Variants in EMC2 observed in about 807,000 individuals in gnomAD.
EMC2 encodes ER membrane protein complex subunit 2, also known as TPR repeat protein 35.
In EMC2, 37 loss-of-function variants were observed where a neutral mutation model predicts 51.6. That is an observed-to-expected ratio of 0.72 (90% CI 0.55 to 0.94). EMC2 has a LOEUF of 0.94. Ranked by LOEUF, EMC2 falls within the 40% of genes least tolerant of loss-of-function variation. EMC2 has a pLI of 0.00. For missense variants in EMC2, 359 were observed against 350.9 expected, an observed-to-expected ratio of 1.02 and a Z score of -0.18; for synonymous variants, 131 against 112.4, an observed-to-expected ratio of 1.17 and a Z score of -1.04.
rs1196644761 is a variant in EMC2 at position 108,487,843 on chromosome 8, C to T, written c.*1245C>T. Among the ~76,000 whole-genome samples the T allele has an allele frequency of 4.6e-5, 7 of 151,968 alleles. No individual in the cohort carries two copies. Among genetic ancestry groups the T allele is most frequent in the East Asian group, 1.9e-4 (1 of 5,174 alleles). ...TAATCTTTCATATTACAGTCATTTTCGTTTTATTCTGCCACGAGTAATAGG... is the reference window on the plus strand; with the variant it reads ...TAATCTTTCATATTACAGTCATTTTTGTTTTATTCTGCCACGAGTAATAGG... On this transcript the variant is annotated 3_prime_UTR_variant, in exon 11 of 11. Coordinates refer to ENST00000220853, the MANE Select transcript of EMC2 (RefSeq NM_014673.5).
chr8:108,469,861 C>T lies in EMC2; in HGVS notation c.399C>T (p.Ala133=). The change falls in exon 6 of 11, where the codon GCC becomes GCT. Residue 133 remains alanine (A), a synonymous_variant. Coordinates refer to ENST00000220853, the MANE Select transcript of EMC2 (RefSeq NM_014673.5). ...ARKRKIAIRK[A]QGKNVEAIRE... ...AGCGTAAGATTGCCATTCGAAAAGC[C>T]CAGGGGAAAAATGTGGAGGCCATTC... 6.2e-7 allele frequency: 1 copy of T among 1,613,428 alleles called. No individual in the cohort carries two copies.
chr8:108,478,964 C>T, intron 9 of EMC2, 42 bp from the exon 10 acceptor site: 1 of 1,218,718 alleles, frequency 8.2e-7, no homozygotes, highest in Non-Finnish European at 1.1e-6. Flanking sequence ...TCTTGACTAG[C>T]AAAAAAGGAA....
In EMC2 at chr8:108,479,941, T is replaced by C. The variant is rs79807431; in HGVS notation, c.807+831T>C. On this transcript the variant is annotated intron_variant, in intron 10 of 10. Coordinates refer to ENST00000220853, the MANE Select transcript of EMC2 (RefSeq NM_014673.5). ...AATAAAATGTTGCCGTCAGGAAATA[T>C]GATGCCGTCTTGACTTACTTTTTAT... 3.8e-3 allele frequency among the ~76,000 whole-genome samples: 574 copies of C among 152,236 alleles called. 4 individuals are homozygous for C. The highest frequency in any genetic ancestry group is 0.013 in the African/African-American group (544 of 41,558).
chr8:108,459,366 A>G (rs1033264004), intron 5 of EMC2, among the ~76,000 whole-genome samples: 11 of 152,168 alleles, frequency 7.2e-5, no homozygotes, highest in Non-Finnish European at 1.6e-4. Flanking sequence ...TGCTACTGAT[A>G]AAGACATACC....
rs554030193 is a variant in EMC2, at chr8:108,445,883, C to T, written c.40+2185C>T. On this transcript the variant is annotated intron_variant, in intron 1 of 10. Transcript: ENST00000220853. ...TCAGAAAAGATTATAAGCCATTTTTCTAGCGTTGAAATAATTTCTTTAGTA... is the reference window on the plus strand; with the variant it reads ...TCAGAAAAGATTATAAGCCATTTTTTTAGCGTTGAAATAATTTCTTTAGTA... 2.6e-5 allele frequency among the ~76,000 whole-genome samples: 4 copies of T among 152,194 alleles called. No individual in the cohort carries two copies. The South Asian group carries it at 6.2e-4, about 24-fold the overall frequency.
chr8:108,483,731 C>G (rs1395887961), intron 10 of EMC2, among the ~76,000 whole-genome samples: 1 of 151,892 alleles, frequency 6.6e-6, no homozygotes, highest in Non-Finnish European at 1.5e-5. Context: ...GGTGAGTTTT[C>G]TTATAGATCT....
At position 108,464,628 on chromosome 8, in the gene EMC2, A is replaced by G. The variant is rs145764496; in HGVS notation, c.364-5198A>G. On this transcript the variant is annotated intron_variant, in intron 5 of 10. Transcript: ENST00000220853. Reference sequence around the variant, plus strand: ...GCAGCCACAGGGGGCAGATAGGCTCAGAACATGTTTCCATTTACAGGAAAC... The same window carrying G: ...GCAGCCACAGGGGGCAGATAGGCTCGGAACATGTTTCCATTTACAGGAAAC... Among the ~76,000 whole-genome samples the G allele has an allele frequency of 1.4e-3, 207 of 152,364 alleles. 1 individual carries two copies. The highest frequency in any genetic ancestry group is 3.7e-3 in the South Asian group (18 of 4,834).
At chr8:108,476,748 T>C (rs1810954403) in intron 8 of EMC2, 34 bp from the exon 9 acceptor site, 2 of 906,216 alleles carry the variant, frequency 2.2e-6, no homozygotes, top group Non-Finnish European at 3.7e-6. Flanking sequence ...AGTAGTAAAA[T>C]AAACAGTTTT....
Position 108,453,112 on chromosome 8 carries a change from G to A in EMC2, c.270G>A (p.Lys90=). 5 of 1,608,440 alleles carry A rather than the reference G, an allele frequency of 3.1e-6. No individual in the cohort carries two copies. Among genetic ancestry groups the A allele is most frequent in the Non-Finnish European group, 4.2e-6 (5 of 1,177,110 alleles). The change falls in exon 4 of 11, where the codon AAG becomes AAA. Residue 90 remains lysine, a synonymous_variant. Transcript: ENST00000220853. ...RRQFPGSHRV[K]RLTGMRFEAM... is the part of the protein sequence containing the mutation. ...AGTTCCCTGGCAGTCACAGAGTCAA[G>A]CGATTAACAGGCATGAGATTTGAAG...
intron 4 of EMC2, among the ~76,000 whole-genome samples, chr8:108,454,329 T>C (rs941485412): frequency 5.9e-5 from 9 of 152,100 alleles, no homozygotes; most frequent in Admixed American, 2.6e-4. Context: ...ATTGAGCATT[T>C]ATAGAATTTC....
At chr8:108,444,075 CAG>C (rs1038123748) in intron 1 of EMC2, among the ~76,000 whole-genome samples, 3 of 152,218 alleles carry the variant, frequency 2.0e-5, no homozygotes, top group African/African-American at 7.2e-5. Context: ...CCAAGAAACA[CAG>C]GGCCTGTAAG....
intron 7 of EMC2, among the ~76,000 whole-genome samples, chr8:108,473,065 T>G (rs1403291976): frequency 6.6e-6 from 1 of 152,032 alleles, no homozygotes; most frequent in Admixed American, 6.6e-5. Flanking sequence ...CATATAGCCC[T>G]ATTTAATGTT....
intron 3 of EMC2, among the ~76,000 whole-genome samples, chr8:108,452,099 TC>T (rs2130340870): frequency 6.6e-6 from 1 of 152,346 alleles, no homozygotes; most frequent in East Asian, 1.9e-4. Context: ...TTCTAGGACT[TC>T]CAAAACTTTG....
chr8:108,486,210 A>G (rs1020242339), intron 10 of EMC2, among the ~76,000 whole-genome samples: 7 of 143,794 alleles, frequency 4.9e-5, no homozygotes, highest in South Asian at 2.2e-4. Flanking sequence ...TTATTTCATT[A>G]TTTTGGTCTG....
intron 4 of EMC2, among the ~76,000 whole-genome samples, chr8:108,453,579 T>C (rs1366902119): frequency 1.3e-5 from 2 of 152,120 alleles, no homozygotes; most frequent in Non-Finnish European, 2.9e-5. Flanking sequence ...CATTCTTTTG[T>C]CCTGTCCAAT....
At chr8:108,450,863 A>G (rs1413997040) in intron 3 of EMC2, among the ~76,000 whole-genome samples, 2 of 152,238 alleles carry the variant, frequency 1.3e-5, no homozygotes, top group Non-Finnish European at 2.9e-5. Context: ...TTATAAACAT[A>G]TCTGACATAA....
intron 5 of EMC2, among the ~76,000 whole-genome samples, chr8:108,460,818 C>G (rs912525955): frequency 3.9e-5 from 6 of 152,186 alleles, no homozygotes; most frequent in African/African-American, 1.4e-4. Flanking sequence ...AGCAAAGCGA[C>G]TTAATTCAGC....
rs1486010797 is a variant in EMC2, at chr8:108,443,718, G to A, written c.40+20G>A. ...GGGAAGGTAACTTCGGGTGGGGGCG[G>A]GTGCGGAAAGACTAAAAGCGCTGGG... On this transcript the variant is annotated intron_variant, in intron 1 of 10. Transcript: ENST00000220853. 3 of 1,600,980 alleles carry A rather than the reference G, an allele frequency of 1.9e-6. No individual in the cohort carries two copies. Among genetic ancestry groups the A allele is most frequent in the East Asian group, 2.3e-5 (1 of 44,282 alleles).
intron 7 of EMC2, chr8:108,474,365 G>A (rs1810910114): frequency 6.6e-6 from 1 of 151,946 alleles, no homozygotes; most frequent in Non-Finnish European, 1.5e-5. Context: ...TTAAGGTAGA[G>A]ACAAATTTTC....
Sources: allele counts gnomAD v4.1 joint callset (sites outside exome capture counted in the v4.1 genomes callset), GRCh38; gene constraint gnomAD v4.1.1; transcripts MANE v1.5; gene names NCBI Gene and HGNC (gene_info 2026-07-23, HGNC 2026-07-21).